Variants in FSCN2 observed in about 807,000 individuals in gnomAD.
FSCN2 encodes the protein fascin actin-bundling protein 2, retinal, also known as fascin-2.
Under a neutral mutation model 37.8 loss-of-function variants are expected in FSCN2, and 46 were observed. The ratio of observed to expected loss-of-function variants is 1.22; its 90% CI spans 0.96 to 1.56. FSCN2 has a LOEUF of 1.56. Ranked by LOEUF, FSCN2 falls within the 40% of genes most tolerant of loss-of-function variation. The probability of loss-of-function intolerance (pLI) is 0.00; values close to 1 mark genes in which losing one functional copy is unlikely to be tolerated. For synonymous variants in FSCN2, 351 were observed against 309.4 expected (o/e 1.13, Z -1.41); for missense variants, 844 against 730.4 (o/e 1.16, Z -1.79).
the FSCN2 span, among the ~76,000 whole-genome samples, chr17:81,519,601 C>A: frequency 6.6e-6 from 1 of 152,200 alleles, no homozygotes; most frequent in Non-Finnish European, 1.5e-5. Context: ...CCAGGAGGGA[C>A]CCCCGCTCCT....
chr17:81,530,282 T>C (rs920369325), intron 1 of FSCN2: 1 of 283,788 alleles, frequency 3.5e-6, no homozygotes, highest in Admixed American at 5.5e-5. Context: ...CAGGCAGCTT[T>C]ACCCGGGGCC....
the FSCN2 span, among the ~76,000 whole-genome samples, chr17:81,516,246 G>GT: frequency 6.6e-6 from 1 of 152,248 alleles, no homozygotes; most frequent in Non-Finnish European, 1.5e-5. Flanking sequence ...GAGTTTGGCC[G>GT]TAAGTATCAA....
At chr17:81,518,813 T>C in the FSCN2 span, among the ~76,000 whole-genome samples, 44,950 of 152,166 alleles carry the variant, frequency 0.3, 7,512 homozygotes, top group Non-Finnish European at 0.39. Flanking sequence ...GAGGGACGGC[T>C]GGCGCCACGC....
chr17:81,518,100 T>G, the FSCN2 span, among the ~76,000 whole-genome samples: 1 of 152,022 alleles, frequency 6.6e-6, no homozygotes, highest in Admixed American at 6.6e-5. Flanking sequence ...CTAAGCCCCT[T>G]CCCCTGGTGC....
the FSCN2 span, among the ~76,000 whole-genome samples, chr17:81,522,390 G>A: frequency 1.3e-5 from 2 of 152,246 alleles, no homozygotes; most frequent in African/African-American, 4.8e-5. Flanking sequence ...CAACTTGAAT[G>A]CATGGAGCTG....
At chr17:81,536,389 C>CA in intron 3 of FSCN2, 122 bp downstream of exon 3, 1 of 1,435,140 alleles carries the variant, frequency 7.0e-7, no homozygotes, top group East Asian at 2.5e-5. Context: ...CGGGTGCTGT[C>CA]ATGGAGTCAT....
chr17:81,532,725 GTGATGGTGATGGTGATGATGACAGTGA>G (rs1265931074), intron 1 of FSCN2, among the ~76,000 whole-genome samples: 2 of 149,974 alleles, frequency 1.3e-5, no homozygotes, highest in East Asian at 3.9e-4. Flanking sequence ...GGTGGTGATA[GTGATGGTGATGGTGATGATGACAGTGA>G]TGATGGTGAT....
intron 1 of FSCN2, chr17:81,529,581 C>A (rs782236168): frequency 1.3e-6 from 1 of 752,660 alleles, no homozygotes; most frequent in East Asian, 2.5e-5. Context: ...GCTTCAGGGT[C>A]AGAGGCAAGG....
At chr17:81,528,103 G>T (rs932649117), upstream of FSCN2, among the ~76,000 whole-genome samples, 2 of 152,196 alleles carry the variant, frequency 1.3e-5, no homozygotes, top group Admixed American at 1.3e-4. Flanking sequence ...GTTGGAGGAG[G>T]GGGGCAGGAA....
Position 81,536,221 on chromosome 17 carries a change from G to A in FSCN2, c.1059G>A (p.Val353=). 1 of 1,601,678 alleles carries A rather than the reference G, an allele frequency of 6.2e-7. No individual in the cohort carries two copies. The highest frequency in any genetic ancestry group is 1.3e-5 in the African/African-American group (1 of 74,838). ...VALKASNGRY[V]CMKKNGQLAA... is the part of the protein sequence containing the mutation. ...TCAAAGCCAGCAACGGGCGCTACGT[G>A]TGCATGAAGAAGAATGGGCAGCTGG... is the stretch of plus-strand genomic sequence containing the variant. The change falls in exon 3 of 5, where the codon GTG becomes GTA. Residue 353 remains valine (V), a synonymous_variant. Coordinates refer to ENST00000417245, the MANE Select transcript of FSCN2 (RefSeq NM_012418.4).
chr17:81,519,828 G>A, the FSCN2 span, among the ~76,000 whole-genome samples: 4 of 152,236 alleles, frequency 2.6e-5, no homozygotes, highest in East Asian at 7.7e-4. Context: ...GAGGACAGGA[G>A]GCACCCACAG....
rs1391648166 is a variant in FSCN2, at chr17:81,535,662, TCCATCCCCACCATCCCCATCTCCATCC to T, written c.983+460_984-452del. ...CATTACCATCTCCACCATCCCCATC[TCCATCCCCACCATCCCCATCTCCATCC>T]CCATCTCTGCCATCCCCACCATCAC... On this transcript the variant is annotated intron_variant, in intron 2 of 4. Transcript: ENST00000417245. 7.5e-4 allele frequency among the ~76,000 whole-genome samples: 3 copies of T among 3,998 alleles called. No homozygotes were observed. In the Admixed American group the frequency reaches 7.5e-3, roughly 10 times the overall value. 2.6% of individuals were successfully genotyped at this position (3,998 alleles called of 152,430 possible).
intron 2 of FSCN2, 34 bp downstream of exon 2, chr17:81,535,242 C>CCCATCCCCACCATCA (rs1449549487): frequency 6.9e-7 from 1 of 1,455,018 alleles, no homozygotes; most frequent in African/African-American, 1.4e-5. Flanking sequence ...CTCCATCATC[C>CCCATCCCCACCATCA]CCATCCCCAC....
In FSCN2 at chr17:81,529,042, G is replaced by C. The variant is rs576252520; in HGVS notation, c.511G>C (p.Val171Leu). 1.4e-5 allele frequency: 23 copies of C among 1,590,122 alleles called. No individual in the cohort carries two copies. Among genetic ancestry groups the C allele is most frequent in the Non-Finnish European group, 2.0e-5 (23 of 1,171,858 alleles). ...MAADGDKPWG[V>L]DALLTLIFRS... ...CGCAGACGGAGACAAGCCCTGGGGC[G>C]TGGACGCCCTCCTCACCCTCATCTT... The change falls in exon 1 of 5, where the codon GTG (valine) becomes CTG (leucine). Residue 171 changes from valine to leucine, a missense_variant. Val to Leu is a conservative substitution (Grantham distance 32). Transcript: ENST00000417245.
chr17:81,531,914 GA>G (rs2032652398), intron 1 of FSCN2, among the ~76,000 whole-genome samples: 1 of 151,476 alleles, frequency 6.6e-6, no homozygotes, highest in African/African-American at 2.4e-5. Context: ...TGATGGTGAT[GA>G]TGGTGATGGT....
At chr17:81,526,436 GC>G (rs1388669541), upstream of FSCN2, among the ~76,000 whole-genome samples, 4 of 152,324 alleles carry the variant, frequency 2.6e-5, no homozygotes, top group Admixed American at 2.0e-4. Context: ...TTCGAGACCA[GC>G]CTGGGCAACA....
upstream of FSCN2, among the ~76,000 whole-genome samples, chr17:81,524,185 G>A (rs1379541296): frequency 3.9e-5 from 6 of 152,216 alleles, no homozygotes; most frequent in East Asian, 1.2e-3. Context: ...ATGGCTTCCT[G>A]GTCCTGCCCA....
At chr17:81,533,644 A>T (rs1017124458) in intron 1 of FSCN2, among the ~76,000 whole-genome samples, 3 of 152,036 alleles carry the variant, frequency 2.0e-5, no homozygotes, top group African/African-American at 7.3e-5. Flanking sequence ...ACTTCTTCAC[A>T]CTCATTTGCC....
At chr17:81,515,430 G>A in the FSCN2 span, among the ~76,000 whole-genome samples, 1 of 152,272 alleles carries the variant, frequency 6.6e-6, no homozygotes, top group African/African-American at 2.4e-5. Context: ...TCACATTTCA[G>A]GAAGGGAGAC....
Sources: gnomAD v4.1 joint callset for allele counts (sites outside exome capture counted in the v4.1 genomes callset) on GRCh38, gnomAD v4.1.1 for gene constraint, MANE v1.5 for transcripts, NCBI Gene and HGNC (gene_info 2026-07-23, HGNC 2026-07-21) for gene names.